ANKUB1: variants seen among roughly 807,000 people sequenced by gnomAD.
ANKUB1 encodes the protein protein ANKUB1.
A neutral mutation model predicts 49.3 loss-of-function variants in ANKUB1; 42 were observed. The ratio of observed to expected loss-of-function variants is 0.85; its 90% confidence interval spans 0.67 to 1.10. The LOEUF is 1.10. Ranked by LOEUF, ANKUB1 falls within the 50% of genes least tolerant of loss-of-function variation. ANKUB1 has a pLI of 0.00. For missense variants in ANKUB1, 613 were observed against 642.0 expected (o/e 0.95, Z 0.49); for synonymous variants, 222 against 231.0 (o/e 0.96, Z 0.35).
intron 3 of ANKUB1, chr3:149,779,843 T>C (rs1165182495): frequency 5.3e-6 from 1 of 188,318 alleles, no homozygotes; most frequent in African/African-American, 2.3e-5. Flanking sequence ...TATTTCTTAG[T>C]CTGTAGACCC....
chr3:149,779,307 G>A (rs79519400), intron 3 of ANKUB1: 2,664 of 152,148 alleles, frequency 0.018, 35 homozygotes, highest in Non-Finnish European at 0.028. Context: ...CCAAGCAGCT[G>A]GGCACCACCA....
intron 2 of ANKUB1, among the ~76,000 whole-genome samples, chr3:149,788,299 A>AAATTTTAGCTCTGTT (rs1718204799): frequency 6.6e-6 from 1 of 152,166 alleles, no homozygotes; most frequent in Non-Finnish European, 1.5e-5. Context: ...ACCGTTAGTA[A>AAATTTTAGCTCTGTT]AATTTTAGGG....
chr3:149,768,171 C>T (rs1223203158), intron 4 of ANKUB1, 76 bp from the exon 5 acceptor site: 8 of 1,008,068 alleles, frequency 7.9e-6, no homozygotes, highest in Admixed American at 3.5e-5. Context: ...ACTAAATGCT[C>T]ATGAAATATT....
chr3:149,776,532 G>A (rs1222858641), intron 3 of ANKUB1, among the ~76,000 whole-genome samples: 1 of 152,154 alleles, frequency 6.6e-6, no homozygotes, highest in Non-Finnish European at 1.5e-5. Context: ...TAACTGACCA[G>A]CTGAGTAACT....
rs996147548 is a variant in ANKUB1, at chr3:149,767,469, G to A, written c.1193C>T (p.Pro398Leu). The change falls in exon 5 of 6, where the codon CCG becomes CTG. Residue 398 changes from proline to leucine, a missense_variant. Transcript: ENST00000446160. ...TTTGAGGGCTTGTTTTCTTGTGTCCGGCTGTGAAATTGCCAAAGGATTGAC... is the reference window on the plus strand; with the variant it reads ...TTTGAGGGCTTGTTTTCTTGTGTCCAGCTGTGAAATTGCCAAAGGATTGAC... ...KPVNPLAISQ[P>L]DTRKQALKFH... 19 of 1,551,528 alleles carry A rather than the reference G, an allele frequency of 1.2e-5. No homozygotes were observed. The highest frequency in any genetic ancestry group is 8.3e-5 in the South Asian group (7 of 84,068).
intron 4 of ANKUB1, among the ~76,000 whole-genome samples, chr3:149,768,564 CAG>C (rs59671727): frequency 0.013 from 1,988 of 148,740 alleles, 47 homozygotes; most frequent in African/African-American, 0.047. Context: ...CCTCCCCAGA[CAG>C]AGTCTTGCTC....
At chr3:149,789,110 G>A (rs116232300) in intron 2 of ANKUB1, among the ~76,000 whole-genome samples, 1,959 of 151,756 alleles carry the variant, frequency 0.013, 33 homozygotes, top group African/African-American at 0.044. Flanking sequence ...TGTTCCTTTT[G>A]AATTGAGAAC....
intron 3 of ANKUB1, chr3:149,778,866 G>A (rs903441396): frequency 6.6e-6 from 1 of 152,102 alleles, no homozygotes; most frequent in Non-Finnish European, 1.5e-5. Flanking sequence ...CTTAACTAAG[G>A]ATACCTACAA....
At chr3:149,765,937 C>G (rs1159184391) in intron 5 of ANKUB1, among the ~76,000 whole-genome samples, 1 of 152,196 alleles carries the variant, frequency 6.6e-6, no homozygotes, top group East Asian at 1.9e-4. Context: ...ACTCTCACCA[C>G]AAGGTGGCAA....
intron 3 of ANKUB1, among the ~76,000 whole-genome samples, chr3:149,775,040 C>T (rs1434932254): frequency 1.3e-5 from 2 of 152,158 alleles, no homozygotes; most frequent in African/African-American, 4.8e-5. Context: ...AGAGGGCCCA[C>T]AAAATTGTAT....
At chr3:149,782,728 CAG>C (rs1717922965) in intron 2 of ANKUB1, among the ~76,000 whole-genome samples, 1 of 151,966 alleles carries the variant, frequency 6.6e-6, no homozygotes, top group Non-Finnish European at 1.5e-5. Flanking sequence ...TTTGTAGAGA[CAG>C]GGCCTAGCTA....
intron 4 of ANKUB1, 95 bp from the exon 5 acceptor site, chr3:149,768,190 A>G: frequency 3.3e-6 from 3 of 919,534 alleles, no homozygotes; most frequent in Non-Finnish European, 4.5e-6. Flanking sequence ...TTCTAGTTGA[A>G]TGTTTATTTC....
chr3:149,777,961 T>A (rs886853164), intron 3 of ANKUB1, among the ~76,000 whole-genome samples: 5 of 152,232 alleles, frequency 3.3e-5, no homozygotes, highest in Admixed American at 6.5e-5. Flanking sequence ...TTCTCCAAAC[T>A]CTTCTGATTT....
intron 2 of ANKUB1, among the ~76,000 whole-genome samples, chr3:149,787,750 G>T (rs563781754): frequency 6.6e-6 from 1 of 152,114 alleles, no homozygotes; most frequent in African/African-American, 2.4e-5. Flanking sequence ...ATTGTCTAAA[G>T]AATGTATTTA....
chr3:149,766,070 A>T (rs936280850), intron 5 of ANKUB1, among the ~76,000 whole-genome samples: 2 of 152,218 alleles, frequency 1.3e-5, no homozygotes, highest in African/African-American at 4.8e-5. Context: ...TCGCTTGTAA[A>T]TCTATATTTC....
Position 149,768,030 on chromosome 3 carries a change from G to A in ANKUB1, c.632C>T (p.Ala211Val). The A allele has an allele frequency of 6.8e-7, 1 of 1,477,194 alleles. No individual in the cohort carries two copies. The highest frequency in any genetic ancestry group is 9.0e-7 in the Non-Finnish European group (1 of 1,108,748). The allele number at this position is 1,477,194 out of a possible 1,614,324, so 91.5% of individuals were successfully genotyped here. ...GTGGGGCCGCGCACCCTGCTTCAGG[G>A]CCCATTCAGTGAGTTCAATGTACCC... ...FCGYIELTEW[A>V]LKQGARPHEA... Residue 211 changes from alanine (A) to valine (V), a missense_variant, in exon 5 of 6, where the codon GCC (alanine) becomes GTC (valine). Transcript: ENST00000446160.
intron 3 of ANKUB1, among the ~76,000 whole-genome samples, chr3:149,771,766 G>T (rs1441904942): frequency 6.6e-6 from 1 of 152,034 alleles, no homozygotes; most frequent in Non-Finnish European, 1.5e-5. Flanking sequence ...AATCTTAGTG[G>T]CGATGATAGC....
intron 4 of ANKUB1, 92 bp from the exon 5 acceptor site, chr3:149,768,187 T>C: frequency 1.1e-6 from 1 of 919,264 alleles, no homozygotes; most frequent in Non-Finnish European, 1.5e-6. Flanking sequence ...ATATTCTAGT[T>C]GAATGTTTAT....
intron 2 of ANKUB1, among the ~76,000 whole-genome samples, chr3:149,788,460 C>G (rs941574268): frequency 2.0e-5 from 3 of 151,966 alleles, no homozygotes; most frequent in Admixed American, 2.0e-4. Context: ...GCCTCAGCCT[C>G]ACAAGTAGCT....
Sources: allele counts gnomAD v4.1 joint callset (sites outside exome capture counted in the v4.1 genomes callset), GRCh38; gene constraint gnomAD v4.1.1; transcripts MANE v1.5; gene names NCBI Gene and HGNC (gene_info 2026-07-23, HGNC 2026-07-21).